ATP13A3: variants seen among roughly 807,000 people sequenced by gnomAD.
ATP13A3 encodes polyamine-transporting ATPase 13A3.
Under a neutral mutation model 158.1 loss-of-function variants are expected in ATP13A3, and 59 were observed. The observed-to-expected ratio is 0.37, with a 90% CI of 0.30 to 0.46. The LOEUF (loss-of-function observed/expected upper bound fraction) is 0.46. Among genes scored for constraint, ATP13A3 ranks in the 20% least tolerant of loss-of-function variants. ATP13A3 has a pLI of 1.00. For synonymous variants in ATP13A3, 491 were observed against 504.3 expected, an observed-to-expected ratio of 0.97 and a Z score of 0.35; for missense variants, 1,166 against 1,525.2, an observed-to-expected ratio of 0.76 and a Z score of 3.92.
chr3:194,433,749 T>G (rs747910720), intron 21 of ATP13A3, 23 bp downstream of exon 21: 8 of 1,612,950 alleles, frequency 5.0e-6, no homozygotes, highest in Non-Finnish European at 3.4e-6. Context: ...CATTTGCTTC[T>G]GTGTTCTTTT....
At position 194,447,928 on chromosome 3, in the gene ATP13A3, T is replaced by C. The variant is rs762226434; in HGVS notation, c.1232A>G (p.Tyr411Cys). 2 of 1,610,258 alleles carry C rather than the reference T, an allele frequency of 1.2e-6. No individual in the cohort carries two copies. Among genetic ancestry groups the C allele is most frequent in the South Asian group, 1.1e-5 (1 of 90,986 alleles). Residue 411 changes from tyrosine (Y) to cysteine (C), a missense_variant, in exon 13 of 34, where the codon TAC becomes TGC. By Grantham distance (194) the Tyr-to-Cys change is radical. This residue lies in a region of ATP13A3 where 997 missense variants were observed against 1,341.2 expected (regional missense o/e 0.74). Transcript: ENST00000645319. ...TGCCACAAGACATAGTAGAAACAAG[T>C]AGGCATCTCTGTAGAGTTTAAAATC... ...PTDFKLYRDAYLFLLCLVAVA... is the reference protein window; with the variant it reads ...PTDFKLYRDACLFLLCLVAVA...
intron 33 of ATP13A3, among the ~76,000 whole-genome samples, chr3:194,410,958 G>A (rs975491846): frequency 7.3e-5 from 11 of 151,528 alleles, no homozygotes; most frequent in Admixed American, 3.9e-4. Flanking sequence ...GTGTGTGTGT[G>A]TGTGTGTGTG....
At position 194,457,151 on chromosome 3, in the gene ATP13A3, C is replaced by A; in HGVS notation, c.503G>T (p.Cys168Phe). Residue 168 changes from cysteine to phenylalanine, a missense_variant, in exon 7 of 34, where the codon TGT becomes TTT. Transcript: ENST00000645319. The stretch of plus-strand genomic sequence containing the variant: ...ACTATGCTTTTCATAAATTGACGTA[C>A]AAGAAACACCTTCATCCAGTCCCCT... Reference protein sequence around the residue: ...FLKGLDEGVSCTSIYEKHSAG... With the variant: ...FLKGLDEGVSFTSIYEKHSAG... The A allele has an allele frequency of 6.2e-7, 1 of 1,613,380 alleles. No homozygotes were observed. The highest frequency in any genetic ancestry group is 8.5e-7 in the Non-Finnish European group (1 of 1,179,530).
At chr3:194,471,104 C>G (rs552703056) in intron 2 of ATP13A3, among the ~76,000 whole-genome samples, 1 of 152,040 alleles carries the variant, frequency 6.6e-6, no homozygotes, top group East Asian at 1.9e-4. Context: ...CATGGCCAAC[C>G]CTGAGTTCTA....
Position 194,448,147 on chromosome 3 carries a change from G to A in ATP13A3, c.1151-138C>T, listed in dbSNP as rs1010151447. The A allele has an allele frequency of 3.4e-5, 29 of 859,982 alleles. No homozygotes were observed. Among genetic ancestry groups the A allele is most frequent in the Admixed American group, 3.3e-4 (12 of 36,106 alleles). The allele number at this position is 859,982 out of a possible 1,614,324, so 53.3% of individuals were successfully genotyped here. On this transcript the variant is annotated intron_variant, in intron 12 of 33. Transcript: ENST00000645319. The surrounding 1 kb of genome is among the most constrained non-coding windows in gnomAD (Gnocchi z 4.0). ...GGCTGGAGTACAGTGGTGTGATCTC[G>A]ACTCACTGCAAGCTCCGCCTCCTGG...
intron 2 of ATP13A3, among the ~76,000 whole-genome samples, 160 bp from the exon 3 acceptor site, chr3:194,462,396 A>G (rs559152321): frequency 6.6e-6 from 1 of 152,314 alleles, no homozygotes; most frequent in Admixed American, 6.5e-5. Flanking sequence ...GTGACAGGCA[A>G]GCAAGCATTA....
chr3:194,444,907 G>T, intron 14 of ATP13A3, 121 bp from the exon 15 acceptor site: 2 of 657,782 alleles, frequency 3.0e-6, no homozygotes, highest in East Asian at 2.9e-5. Flanking sequence ...ACATAATGGA[G>T]TTCTACAGAG....
At chr3:194,443,646 C>G (rs932545051) in intron 15 of ATP13A3, among the ~76,000 whole-genome samples, 11 of 152,056 alleles carry the variant, frequency 7.2e-5, no homozygotes, top group Non-Finnish European at 1.6e-4. Flanking sequence ...CACAACAACT[C>G]TTGAAATTAC....
At chr3:194,475,178 T>C (rs1256832771) in intron 2 of ATP13A3, among the ~76,000 whole-genome samples, 5 of 152,232 alleles carry the variant, frequency 3.3e-5, no homozygotes, top group African/African-American at 1.2e-4. Flanking sequence ...GTTAAAAACA[T>C]ATAAACCTCA....
At chr3:194,473,343 G>A (rs1197218546) in intron 2 of ATP13A3, among the ~76,000 whole-genome samples, 3 of 152,286 alleles carry the variant, frequency 2.0e-5, no homozygotes, top group African/African-American at 7.2e-5. Context: ...ATTCTAGTCT[G>A]AAAGTAGAAT....
intron 21 of ATP13A3, among the ~76,000 whole-genome samples, chr3:194,433,307 A>C (rs1717373192): frequency 1.4e-5 from 2 of 142,840 alleles, no homozygotes; most frequent in East Asian, 4.1e-4. Context: ...GCAGTGGCGC[A>C]ATCTCGGCTC....
intron 6 of ATP13A3, among the ~76,000 whole-genome samples, chr3:194,458,631 G>A (rs1719420837): frequency 6.6e-6 from 1 of 152,074 alleles, no homozygotes. Context: ...CAGGTGATCC[G>A]CCCGCCTTGG....
rs140832574 is a variant in ATP13A3, at chr3:194,443,658, T to C, written c.1559+1067A>G. The stretch of plus-strand genomic sequence containing the variant: ...AGACACAACAACTCTTGAAATTACA[T>C]TGGCCAAACAATACTGTCTCTCAAG... On this transcript the variant is annotated intron_variant, in intron 15 of 33. Coordinates refer to ENST00000645319, the MANE Select transcript of ATP13A3 (RefSeq NM_001367549.1). 8.2e-3 allele frequency among the ~76,000 whole-genome samples: 1,243 copies of C among 152,236 alleles called. 20 individuals are homozygous for C. The highest frequency in any genetic ancestry group is 0.028 in the African/African-American group (1,145 of 41,532).
chr3:194,430,854 A>G, intron 24 of ATP13A3, 89 bp downstream of exon 24: 1 of 984,344 alleles, frequency 1.0e-6, no homozygotes, highest in South Asian at 2.1e-5. Context: ...AAATATTAGT[A>G]TAAGAAACAT....
chr3:194,451,036 C>T (rs890266956), intron 10 of ATP13A3: 5 of 152,020 alleles, frequency 3.3e-5, no homozygotes, highest in African/African-American at 1.2e-4. Flanking sequence ...TCTCTAACAC[C>T]CTCCCTCTCC....
At chr3:194,417,068 T>C (rs1715903977) in intron 31 of ATP13A3, among the ~76,000 whole-genome samples, 1 of 152,112 alleles carries the variant, frequency 6.6e-6, no homozygotes, top group South Asian at 2.1e-4. Context: ...GAATTCACCC[T>C]CAAAATTTAT....
intron 3 of ATP13A3, 61 bp from the exon 4 acceptor site, chr3:194,460,892 A>G (rs1395950086): frequency 6.6e-7 from 1 of 1,513,750 alleles, no homozygotes; most frequent in Non-Finnish European, 9.0e-7. Context: ...TGGCAGAGAA[A>G]CACATTCCAA....
At chr3:194,411,028 C>T (rs898893965) in intron 33 of ATP13A3, among the ~76,000 whole-genome samples, 5 of 149,294 alleles carry the variant, frequency 3.3e-5, no homozygotes, top group Admixed American at 6.6e-5. Context: ...CCTAGTCATA[C>T]GCACTACTAG....
At chr3:194,416,958 A>G (rs575130059) in intron 31 of ATP13A3, among the ~76,000 whole-genome samples, 1 of 152,344 alleles carries the variant, frequency 6.6e-6, no homozygotes, top group African/African-American at 2.4e-5. Context: ...CAAAAAATGT[A>G]CAAAAACCAT....
Sources: allele counts gnomAD v4.1 joint callset (sites outside exome capture counted in the v4.1 genomes callset), GRCh38; gene constraint gnomAD v4.1.1; regional missense constraint gnomAD v4.1.1; non-coding constraint Gnocchi (gnomAD v3.1); transcripts MANE v1.5; gene names NCBI Gene and HGNC (gene_info 2026-07-23, HGNC 2026-07-21).